The following HYDIN variants were observed in gnomAD, a reference collection of about 807,000 sequenced individuals.
HYDIN encodes the protein axonemal central pair apparatus protein HYDIN.
A neutral mutation model predicts 403.9 loss-of-function variants in HYDIN; 132 were observed. The ratio of observed to expected loss-of-function variants is 0.33; its 90% confidence interval spans 0.28 to 0.38. HYDIN has a LOEUF of 0.38. Ranked by LOEUF, HYDIN falls within the 10% of genes least tolerant of loss-of-function variation. The pLI is 1.00. For missense variants in HYDIN, 2,827 were observed against 5,009.5 expected, an observed-to-expected ratio of 0.56 and a Z score of 13.15; for synonymous variants, 1,202 against 1,891.7, an observed-to-expected ratio of 0.64 and a Z score of 9.46.
chr16:70,890,484 C>A (rs2041403667), intron 57 of HYDIN, among the ~76,000 whole-genome samples: 1 of 152,140 alleles, frequency 6.6e-6, no homozygotes, highest in Admixed American at 6.5e-5. Context: ...AGAGACTTTA[C>A]ACAATTCAAC....
At chr16:71,188,288 T>G (rs1434480084) in intron 1 of HYDIN, among the ~76,000 whole-genome samples, 2 of 152,104 alleles carry the variant, frequency 1.3e-5, no homozygotes, top group Admixed American at 1.3e-4. Flanking sequence ...AAGCTATTTT[T>G]GAACCTGTTT....
chr16:70,806,013 T>A lies in HYDIN; in HGVS notation c.*1567A>T, dbSNP rs1416052940. On this transcript the variant is annotated 3_prime_UTR_variant, in exon 86 of 86. Transcript: ENST00000393567. ...CATGCTGTAGACACAACCTACTTGA[T>A]AGTCACTGAGTAGATGACTTGGGGT... 1.3e-5 allele frequency among the ~76,000 whole-genome samples: 2 copies of A among 152,214 alleles called. No individual in the cohort carries two copies. The highest frequency in any genetic ancestry group is 4.8e-5 in the African/African-American group (2 of 41,458).
chr16:71,190,489 T>G (rs2087380321), intron 1 of HYDIN, among the ~76,000 whole-genome samples: 1 of 152,216 alleles, frequency 6.6e-6, no homozygotes, highest in African/African-American at 2.4e-5. Flanking sequence ...AACCATTTAT[T>G]TTGCACTATT....
chr16:70,861,276 G>C (rs2143618308), intron 69 of HYDIN, among the ~76,000 whole-genome samples: 1 of 152,150 alleles, frequency 6.6e-6, no homozygotes, highest in East Asian at 1.9e-4. Context: ...AGGTGAACTG[G>C]ATATGAGCAG....
chr16:70,868,690 G>T lies in HYDIN; in HGVS notation c.11190C>A (p.Leu3730=). 1 of 1,614,174 alleles carries T rather than the reference G, an allele frequency of 6.2e-7. No individual in the cohort carries two copies. Among genetic ancestry groups the T allele is most frequent in the South Asian group, 1.1e-5 (1 of 91,074 alleles). Residue 3730 remains leucine (L), a synonymous_variant, in exon 66 of 86, where the codon CTC becomes CTA. Transcript: ENST00000393567. ...NLKNMRIRCK[L]SRIMFQLPAD... is the part of the protein sequence containing the mutation. ...CAGGGAGCTGAAACATAATCCTGGA[G>T]AGCTTGCACCTGATCCGCATATTCT...
intron 7 of HYDIN, among the ~76,000 whole-genome samples, chr16:71,151,320 C>T (rs2085529708): frequency 6.6e-6 from 1 of 151,878 alleles, no homozygotes; most frequent in African/African-American, 2.4e-5. Context: ...GGAGCTAGGG[C>T]CACTTAACCA....
intron 18 of HYDIN, among the ~76,000 whole-genome samples, chr16:71,055,863 C>T (rs1076248): frequency 6.6e-6 from 1 of 151,928 alleles, no homozygotes; most frequent in African/African-American, 2.4e-5. Flanking sequence ...AAAAAGAAAA[C>T]GATTCCAGAT....
At chr16:71,050,104 T>G (rs375589715) in intron 18 of HYDIN, among the ~76,000 whole-genome samples, 21 of 146,448 alleles carry the variant, frequency 1.4e-4, no homozygotes, top group African/African-American at 5.2e-4. Flanking sequence ...AGAAGAAACA[T>G]TTGAAGAGAT....
intron 1 of HYDIN, among the ~76,000 whole-genome samples, chr16:71,220,794 C>A (rs987248322): frequency 1.3e-5 from 2 of 152,146 alleles, no homozygotes; most frequent in Admixed American, 1.3e-4. Context: ...ATGTAAATGA[C>A]TGTGCTAAAA....
At chr16:70,967,759 T>A (rs2078624703) in intron 36 of HYDIN, among the ~76,000 whole-genome samples, 1 of 150,998 alleles carries the variant, frequency 6.6e-6, no homozygotes, top group Non-Finnish European at 1.5e-5. Context: ...GAATTTTGTA[T>A]TTTTTTTTGT....
At chr16:71,184,102 A>C (rs1201813974) in intron 3 of HYDIN, among the ~76,000 whole-genome samples, 1 of 152,114 alleles carries the variant, frequency 6.6e-6, no homozygotes, top group Non-Finnish European at 1.5e-5. Context: ...CATATCCTAG[A>C]CAAAGGAAGC....
chr16:70,892,296 T>C (rs2143721162), intron 56 of HYDIN, 65 bp downstream of exon 56: 22 of 1,548,920 alleles, frequency 1.4e-5, no homozygotes, highest in Non-Finnish European at 1.9e-5. Context: ...TCATGTATCC[T>C]TCTTTGCAAC....
At chr16:71,039,504 T>A (rs377646989) in intron 18 of HYDIN, among the ~76,000 whole-genome samples, 1 of 152,118 alleles carries the variant, frequency 6.6e-6, no homozygotes, top group Non-Finnish European at 1.5e-5. Context: ...CCTACTTGAA[T>A]GTTGCCTTTC....
At chr16:70,856,924 T>C (rs2039060904) in intron 72 of HYDIN, among the ~76,000 whole-genome samples, 1 of 152,200 alleles carries the variant, frequency 6.6e-6, no homozygotes, top group Non-Finnish European at 1.5e-5. Flanking sequence ...CTATAAAGAA[T>C]ATTATTTTAC....
At chr16:71,089,353 A>C (rs1237392654) in intron 11 of HYDIN, among the ~76,000 whole-genome samples, 1 of 152,058 alleles carries the variant, frequency 6.6e-6, no homozygotes, top group Non-Finnish European at 1.5e-5. Flanking sequence ...CCTGGCTTCC[A>C]AAGACACCAC....
At chr16:71,002,611 CATTTTCTTCAA>C (rs1159070271) in intron 23 of HYDIN, among the ~76,000 whole-genome samples, 3 of 151,620 alleles carry the variant, frequency 2.0e-5, no homozygotes, top group African/African-American at 7.3e-5. Context: ...CATTACCCTA[CATTTTCTTCAA>C]ATTAAAAAAA....
intron 28 of HYDIN, among the ~76,000 whole-genome samples, chr16:70,984,828 G>A (rs2079141195): frequency 6.6e-6 from 1 of 151,034 alleles, no homozygotes; most frequent in Non-Finnish European, 1.5e-5. Flanking sequence ...GTCTGCTAGT[G>A]TTTTCACACC....
intron 5 of HYDIN, among the ~76,000 whole-genome samples, chr16:71,172,469 G>A (rs899893736): frequency 1.3e-5 from 2 of 152,184 alleles, no homozygotes; most frequent in East Asian, 3.9e-4. Context: ...CATTTCTACA[G>A]TATATGATAG....
At position 70,991,526 on chromosome 16, in the gene HYDIN, C is replaced by T. The variant is rs569663529; in HGVS notation, c.3786-130G>A. ...CCCAAACGTAAGGGGGATTCTCAAT[C>T]AAGGGACACCTTTCTCAAGAGGTCA... On this transcript the variant is annotated intron_variant, in intron 24 of 85. Coordinates refer to ENST00000393567, the MANE Select transcript of HYDIN (RefSeq NM_001270974.2). 1,072 of 1,413,076 alleles carry T rather than the reference C, an allele frequency of 7.6e-4. 5 individuals carry two copies. In the African/African-American group the frequency reaches 0.014, roughly 18 times the overall value. 87.5% of individuals were successfully genotyped at this position (1,413,076 alleles called of 1,614,324 possible).
Sources: gnomAD v4.1 joint callset for allele counts (sites outside exome capture counted in the v4.1 genomes callset) on GRCh38, gnomAD v4.1.1 for gene constraint, MANE v1.5 for transcripts, NCBI Gene and HGNC (gene_info 2026-07-23, HGNC 2026-07-21) for gene names.